Variants in CNNM2 observed in about 807,000 individuals in gnomAD.
CNNM2 encodes metal transporter CNNM2.
In CNNM2, 12 loss-of-function variants were observed where a neutral mutation model predicts 66.9. The ratio of observed to expected loss-of-function variants is 0.18; its 90% confidence interval spans 0.11 to 0.29. CNNM2 has a LOEUF of 0.29. Among genes scored for constraint, CNNM2 ranks in the 10% least tolerant of loss-of-function variants. The pLI is 1.00. For synonymous variants in CNNM2, 557 were observed against 501.8 expected, an observed-to-expected ratio of 1.11 and a Z score of -1.47; for missense variants, 705 against 1,167.7, an observed-to-expected ratio of 0.60 and a Z score of 5.77.
At chr10:103,000,270 T>C in intron 1 of CNNM2, among the ~76,000 whole-genome samples, 1 of 150,382 alleles carries the variant, frequency 6.6e-6, no homozygotes, top group Non-Finnish European at 1.5e-5. Flanking sequence ...AATAAATAAA[T>C]AAATAAATAA....
At chr10:102,957,157 T>A (rs539266667) in intron 1 of CNNM2, among the ~76,000 whole-genome samples, 1 of 152,038 alleles carries the variant, frequency 6.6e-6, no homozygotes, top group South Asian at 2.1e-4. Context: ...CCAAAAAAAT[T>A]AGCCAGGCAT....
chr10:102,934,198 A>G (rs1331586378), intron 1 of CNNM2, among the ~76,000 whole-genome samples: 1 of 151,958 alleles, frequency 6.6e-6, no homozygotes, highest in Non-Finnish European at 1.5e-5. Flanking sequence ...TAGGTTGTAT[A>G]AAATGTCAGT....
At chr10:103,015,270 T>C (rs1023195205) in intron 1 of CNNM2, among the ~76,000 whole-genome samples, 4 of 152,180 alleles carry the variant, frequency 2.6e-5, no homozygotes, top group African/African-American at 7.2e-5. Context: ...GGCTTATTTA[T>C]TGGGCTAAGC....
intron 1 of CNNM2, among the ~76,000 whole-genome samples, chr10:102,936,710 G>A (rs1846255084): frequency 6.6e-6 from 1 of 152,144 alleles, no homozygotes; most frequent in Non-Finnish European, 1.5e-5. Context: ...GCAACAACTA[G>A]AAGAACATTT....
chr10:102,936,450 A>G (rs1352404819), intron 1 of CNNM2, among the ~76,000 whole-genome samples: 1 of 151,546 alleles, frequency 6.6e-6, no homozygotes, highest in Non-Finnish European at 1.5e-5. Context: ...TCATCTTGCT[A>G]TCATCAGTCT....
rs35992147 is a variant in CNNM2 at position 103,008,778 on chromosome 10, C to CAAA, written c.1622-40911_1622-40909dup. On this transcript the variant is annotated intron_variant, in intron 1 of 7. Coordinates refer to ENST00000369878, the MANE Select transcript of CNNM2 (RefSeq NM_017649.5). Reference sequence around the variant, plus strand: ...TGGGTGACAGAGCGAGACCCTGTCTCAAAAAAAAAAAAAAAAAAAACCCAA... The same window carrying CAAA: ...TGGGTGACAGAGCGAGACCCTGTCTCAAAAAAAAAAAAAAAAAAAAAAACCCAA... Among the ~76,000 whole-genome samples the CAAA allele has an allele frequency of 2.4e-3, 257 of 105,170 alleles. 1 individual carries two copies. Among genetic ancestry groups the CAAA allele is most frequent in the Non-Finnish European group, 2.6e-3 (144 of 55,164 alleles). 69.0% of individuals were successfully genotyped at this position (105,170 alleles called of 152,430 possible). A position where few individuals can be genotyped will look rare whatever the true frequency, so the allele number is the denominator to read the frequency against.
chr10:102,960,383 C>T (rs1013119383), intron 1 of CNNM2, among the ~76,000 whole-genome samples: 3 of 152,074 alleles, frequency 2.0e-5, no homozygotes, highest in Non-Finnish European at 4.4e-5. Flanking sequence ...TTTGTCATTA[C>T]GTTAATGTTA....
intron 5 of CNNM2, among the ~76,000 whole-genome samples, chr10:103,070,316 T>TGTTGA (rs1396349934): frequency 6.6e-6 from 1 of 152,164 alleles, no homozygotes; most frequent in Non-Finnish European, 1.5e-5. Flanking sequence ...GGTCGTGTGG[T>TGTTGA]GTTGAGCGAG....
rs71019651 is a variant in CNNM2 at position 103,034,972 on chromosome 10, C to CAAAAAAAAAAAAAAA, written c.1622-14731_1622-14717dup. Among the ~76,000 whole-genome samples the CAAAAAAAAAAAAAAA allele has an allele frequency of 1.9e-3, 135 of 71,026 alleles. 4 individuals carry two copies. The highest frequency in any genetic ancestry group is 5.1e-3 in the African/African-American group (83 of 16,360). The allele number at this position is 71,026 out of a possible 152,430, so 46.6% of individuals were successfully genotyped here. Reference sequence around the variant, plus strand: ...TGGGCGACAGAGCGAGACTCCGTCTCAAAAAAAAAAAAAAAAAATCTCCTA... The same window carrying CAAAAAAAAAAAAAAA: ...TGGGCGACAGAGCGAGACTCCGTCTCAAAAAAAAAAAAAAAAAAAAAAAAAAAAAAAAATCTCCTA... On this transcript the variant is annotated intron_variant, in intron 1 of 7. Transcript: ENST00000369878.
At chr10:102,921,442 C>T (rs992086558) in intron 1 of CNNM2, among the ~76,000 whole-genome samples, 1 of 152,130 alleles carries the variant, frequency 6.6e-6, no homozygotes, top group Non-Finnish European at 1.5e-5. Context: ...ATGATGTCCT[C>T]TCTAGAACAG....
chr10:102,991,289 G>C (rs1454185270), intron 1 of CNNM2, among the ~76,000 whole-genome samples: 1 of 152,132 alleles, frequency 6.6e-6, no homozygotes, highest in East Asian at 1.9e-4. Flanking sequence ...CACCAGGCCA[G>C]AAATTTTAAA....
At chr10:102,950,981 C>CTTTTTTTT (rs34870588) in intron 1 of CNNM2, among the ~76,000 whole-genome samples, 32 of 80,500 alleles carry the variant, frequency 4.0e-4, no homozygotes, top group African/African-American at 5.5e-4. Context: ...CTTTCTTTCT[C>CTTTTTTTT]TTTTTTTTTT....
intron 1 of CNNM2, among the ~76,000 whole-genome samples, chr10:102,938,462 A>G (rs1846318870): frequency 6.6e-6 from 1 of 151,010 alleles, no homozygotes; most frequent in Non-Finnish European, 1.5e-5. Flanking sequence ...GAAAAAAAAA[A>G]AGAAAAAATT....
chr10:102,933,093 A>C (rs923474129), intron 1 of CNNM2, among the ~76,000 whole-genome samples: 2 of 152,124 alleles, frequency 1.3e-5, no homozygotes, highest in African/African-American at 4.8e-5. Context: ...CTTCCTTGTC[A>C]AGATTGTTTT....
At chr10:103,020,879 T>C (rs552539822) in intron 1 of CNNM2, among the ~76,000 whole-genome samples, 7 of 152,208 alleles carry the variant, frequency 4.6e-5, no homozygotes, top group South Asian at 2.1e-4. Flanking sequence ...TGTAAAGATA[T>C]AGGTATTGGC....
chr10:103,068,725 A>G lies in CNNM2; in HGVS notation c.2167+3A>G. On this transcript the variant is annotated splice_donor_region_variant and intron_variant, in intron 5 of 7. Coordinates refer to ENST00000369878, the MANE Select transcript of CNNM2 (RefSeq NM_017649.5). ...GATGGCCCTGACAGCCTCTCCAGGT[A>G]TGTTTGGTTCCCAGCCGCATAGGGC... 1.2e-6 allele frequency: 2 copies of G among 1,610,788 alleles called. No individual in the cohort carries two copies. Among genetic ancestry groups the G allele is most frequent in the Non-Finnish European group, 1.7e-6 (2 of 1,178,294 alleles).
At chr10:102,947,062 T>C (rs1846642296) in intron 1 of CNNM2, among the ~76,000 whole-genome samples, 1 of 152,098 alleles carries the variant, frequency 6.6e-6, no homozygotes, top group African/African-American at 2.4e-5. Context: ...AAGAACTGAT[T>C]TTTTTTCTCA....
intron 1 of CNNM2, among the ~76,000 whole-genome samples, chr10:102,972,998 A>G (rs953716610): frequency 1.3e-5 from 2 of 152,224 alleles, no homozygotes; most frequent in Non-Finnish European, 2.9e-5. Flanking sequence ...TTTAACATCC[A>G]TGAAACTGGG....
intron 1 of CNNM2, among the ~76,000 whole-genome samples, chr10:102,976,425 C>CTTTTTTTTTTTTTTTT: frequency 2.9e-5 from 1 of 34,690 alleles, no homozygotes; most frequent in Non-Finnish European, 5.1e-5. Context: ...CAATTCTTGC[C>CTTTTTTTTTTTTTTTT]TTTTTTTTTT....
Sources: allele counts gnomAD v4.1 joint callset (sites outside exome capture counted in the v4.1 genomes callset), GRCh38; gene constraint gnomAD v4.1.1; transcripts MANE v1.5; gene names NCBI Gene and HGNC (gene_info 2026-07-23, HGNC 2026-07-21).